Variants in GOLGA4 observed in about 807,000 individuals in gnomAD.
The protein encoded by GOLGA4 is golgin A4.
A neutral mutation model predicts 265.9 loss-of-function variants in GOLGA4; 169 were observed. The observed-to-expected ratio is 0.64, with a 90% CI of 0.56 to 0.72. GOLGA4 has a LOEUF of 0.72. Among genes scored for constraint, GOLGA4 ranks in the 30% least tolerant of loss-of-function variants. The pLI is 0.00. For synonymous variants in GOLGA4, 923 were observed against 855.8 expected, an observed-to-expected ratio of 1.08 and a Z score of -1.37; for missense variants, 2,482 against 2,483.4, an observed-to-expected ratio of 1.00 and a Z score of 0.01.
chr3:37,333,057 G>A (rs1371727977), intron 16 of GOLGA4, among the ~76,000 whole-genome samples: 2 of 152,144 alleles, frequency 1.3e-5, no homozygotes, highest in African/African-American at 4.8e-5. Context: ...TGGCACATAC[G>A]AGCACTTGAT....
intron 9 of GOLGA4, among the ~76,000 whole-genome samples, chr3:37,301,083 C>G (rs1042233948): frequency 6.6e-6 from 1 of 152,168 alleles, no homozygotes; most frequent in African/African-American, 2.4e-5. Context: ...CTGGAAGAGT[C>G]ATATTCTAAA....
In GOLGA4 at chr3:37,337,697, G is replaced by A; in HGVS notation, c.6359G>A (p.Ser2120Asn). 1 of 1,612,290 alleles carries A rather than the reference G, an allele frequency of 6.2e-7. No individual in the cohort carries two copies. Among genetic ancestry groups the A allele is most frequent in the Non-Finnish European group, 8.5e-7 (1 of 1,178,348 alleles). ...CTAGCACAGAAGACGACTTTAATCA[G>A]TGATTCGAAATTGAAAGAGCAAGAG... ...TQLAQKTTLISDSKLKEQEFR... is the reference protein window; with the variant it reads ...TQLAQKTTLINDSKLKEQEFR... Residue 2120 changes from serine to asparagine, a missense_variant, in exon 19 of 24, where the codon AGT becomes AAT. This residue lies in a region of GOLGA4 where 942 missense variants were observed against 983.1 expected (regional missense o/e 0.96). Coordinates refer to ENST00000361924, the MANE Select transcript of GOLGA4 (RefSeq NM_002078.5).
Position 37,326,243 on chromosome 3 carries a change from T to G in GOLGA4, c.4357T>G (p.Phe1453Val). The part of the protein sequence containing the change: ...SEWKKKAQSR[F>V]TQHQNTVKEL... ...ATGGAAGAAGAAAGCACAGTCAAGA[T>G]TTACACAGCATCAAAACACTGTTAA... The change falls in exon 14 of 24, where the codon TTT becomes GTT. Residue 1453 changes from phenylalanine (F) to valine (V), a missense_variant. Coordinates refer to ENST00000361924, the MANE Select transcript of GOLGA4 (RefSeq NM_002078.5). 1 of 1,613,774 alleles carries G rather than the reference T, an allele frequency of 6.2e-7. No homozygotes were observed. Among genetic ancestry groups the G allele is most frequent in the Non-Finnish European group, 8.5e-7 (1 of 1,179,736 alleles).
chr3:37,327,934 C>A, intron 14 of GOLGA4, 109 bp downstream of exon 14: 1 of 826,422 alleles, frequency 1.2e-6, no homozygotes, highest in Non-Finnish European at 1.8e-6. Context: ...GTTTCACCAA[C>A]CCAAAATATT....
intron 2 of GOLGA4, among the ~76,000 whole-genome samples, chr3:37,258,850 TATATA>T (rs1233950909): frequency 6.6e-6 from 1 of 152,212 alleles, no homozygotes; most frequent in East Asian, 1.9e-4. Context: ...TTGTTTCTTG[TATATA>T]ATCTTTTTTA....
intron 2 of GOLGA4, among the ~76,000 whole-genome samples, chr3:37,272,715 C>T (rs1327232816): frequency 6.6e-6 from 1 of 152,166 alleles, no homozygotes. Context: ...CCTTGGTCAG[C>T]TCTAGACCAA....
At chr3:37,317,448 G>T (rs1043413925) in intron 11 of GOLGA4, among the ~76,000 whole-genome samples, 7 of 152,180 alleles carry the variant, frequency 4.6e-5, no homozygotes, top group South Asian at 2.1e-4. Context: ...GGGATTACAG[G>T]CGTGAGCCAC....
At chr3:37,336,166 T>C (rs2151002174) in intron 17 of GOLGA4, among the ~76,000 whole-genome samples, 1 of 152,244 alleles carries the variant, frequency 6.6e-6, no homozygotes, top group Non-Finnish European at 1.5e-5. Flanking sequence ...AGAGGACCAT[T>C]TTCTGTTTCT....
chr3:37,336,973 A>G (rs146452433), intron 17 of GOLGA4, among the ~76,000 whole-genome samples, 170 bp from the exon 18 acceptor site: 1 of 152,306 alleles, frequency 6.6e-6, no homozygotes, highest in Non-Finnish European at 1.5e-5. Flanking sequence ...AACAAAACAG[A>G]ACATTTGTTT....
At chr3:37,269,659 C>T (rs968658789) in intron 2 of GOLGA4, among the ~76,000 whole-genome samples, 2 of 152,094 alleles carry the variant, frequency 1.3e-5, no homozygotes, top group Admixed American at 6.5e-5. Flanking sequence ...AAGTTTGGCA[C>T]AAATGGAGAA....
At chr3:37,273,714 A>T in intron 2 of GOLGA4, 1 of 682,554 alleles carries the variant, frequency 1.5e-6, no homozygotes, top group Non-Finnish European at 2.6e-6. Flanking sequence ...CCAAATATTC[A>T]GTACAGTATA....
intron 13 of GOLGA4, among the ~76,000 whole-genome samples, chr3:37,323,075 T>A (rs1363320542): frequency 2.0e-5 from 3 of 151,606 alleles, no homozygotes; most frequent in Non-Finnish European, 2.9e-5. Context: ...AATCTGAAAG[T>A]ATGAGTTGGG....
chr3:37,328,533 T>C lies in GOLGA4; in HGVS notation c.6057T>C (p.Thr2019=). Residue 2019 remains threonine, a synonymous_variant, in exon 15 of 24, where the codon ACT becomes ACC. Coordinates refer to ENST00000361924, the MANE Select transcript of GOLGA4 (RefSeq NM_002078.5). ...EQELEMTIKE[T]INKAQEVEAE... is the part of the protein sequence containing the mutation. Reference sequence around the variant, plus strand: ...AGCTGGAAATGACCATAAAAGAAACTATCAGTAAGTAAAATTAAGTTCCAT... The same window carrying C: ...AGCTGGAAATGACCATAAAAGAAACCATCAGTAAGTAAAATTAAGTTCCAT... 1.2e-6 allele frequency: 2 copies of C among 1,608,784 alleles called. No homozygotes were observed. Among genetic ancestry groups the C allele is most frequent in the Non-Finnish European group, 1.7e-6 (2 of 1,177,768 alleles).
chr3:37,349,748 G>A (rs750021989), intron 21 of GOLGA4, among the ~76,000 whole-genome samples: 4 of 152,158 alleles, frequency 2.6e-5, no homozygotes, highest in Non-Finnish European at 4.4e-5. Context: ...TGCGGTTTTA[G>A]AATAAGTCGG....
Position 37,315,512 on chromosome 3 carries a change from A to C in GOLGA4, c.1327A>C (p.Thr443Pro). ...GGCAGAAATGGATGAACAAATAAAAACTATCGAAAAAACAAGTGAGGAGGA... is the reference window on the plus strand; with the variant it reads ...GGCAGAAATGGATGAACAAATAAAACCTATCGAAAAAACAAGTGAGGAGGA... ...LKAEMDEQIK[T>P]IEKTSEEERI... Residue 443 changes from threonine to proline, a missense_variant, in exon 11 of 24, where the codon ACT becomes CCT. Thr to Pro is a conservative substitution (Grantham distance 38). This residue lies in a region of GOLGA4 where 1,536 missense variants were observed against 1,483.7 expected (regional missense o/e 1.04). Coordinates refer to ENST00000361924, the MANE Select transcript of GOLGA4 (RefSeq NM_002078.5). 2 of 1,614,072 alleles carry C rather than the reference A, an allele frequency of 1.2e-6. No individual in the cohort carries two copies. The highest frequency in any genetic ancestry group is 8.5e-7 in the Non-Finnish European group (1 of 1,179,926).
chr3:37,306,523 GT>G, intron 10 of GOLGA4, among the ~76,000 whole-genome samples: 1 of 151,662 alleles, frequency 6.6e-6, no homozygotes, highest in African/African-American at 2.4e-5. Context: ...GTGTGTGTGT[GT>G]GTGTGTGTGT....
chr3:37,259,208 A>G (rs574689096), intron 2 of GOLGA4, among the ~76,000 whole-genome samples: 2 of 152,244 alleles, frequency 1.3e-5, no homozygotes, highest in Non-Finnish European at 2.9e-5. Context: ...TAATTTGTGT[A>G]TCTCTAGGAG....
intron 12 of GOLGA4, among the ~76,000 whole-genome samples, chr3:37,320,883 T>C (rs2096952977): frequency 6.6e-6 from 1 of 152,146 alleles, no homozygotes; most frequent in Non-Finnish European, 1.5e-5. Context: ...TTACATTAAA[T>C]AATATAGTAT....
At chr3:37,330,227 G>A (rs1337963883) in intron 16 of GOLGA4, among the ~76,000 whole-genome samples, 1 of 151,264 alleles carries the variant, frequency 6.6e-6, no homozygotes, top group Non-Finnish European at 1.5e-5. Context: ...TTTTTCAGAA[G>A]GAAAAGCCAG....
Sources: allele counts gnomAD v4.1 joint callset (sites outside exome capture counted in the v4.1 genomes callset), GRCh38; gene constraint gnomAD v4.1.1; regional missense constraint gnomAD v4.1.1; transcripts MANE v1.5; gene names NCBI Gene and HGNC (gene_info 2026-07-23, HGNC 2026-07-21).